The following VOPP1 variants were observed in gnomAD, a reference collection of about 807,000 sequenced individuals.
The protein encoded by VOPP1 is WW domain binding protein VOPP1.
VOPP1 carries 8 observed loss-of-function variants against 23.5 expected under a neutral mutation model. That is an observed-to-expected ratio of 0.34 (90% CI 0.20 to 0.61). The LOEUF is 0.61. Ranked by LOEUF, VOPP1 falls within the 20% of genes least tolerant of loss-of-function variation. The probability of loss-of-function intolerance (pLI) is 0.78; values close to 1 mark genes in which losing one functional copy is unlikely to be tolerated. For synonymous variants in VOPP1, 83 were observed against 97.3 expected, an observed-to-expected ratio of 0.85 and a Z score of 0.86; for missense variants, 174 against 238.1, an observed-to-expected ratio of 0.73 and a Z score of 1.77.
chr7:55,505,073 TC>T (rs1236325363), intron 2 of VOPP1, among the ~76,000 whole-genome samples: 1 of 152,210 alleles, frequency 6.6e-6, no homozygotes, highest in Non-Finnish European at 1.5e-5. Context: ...AGCCTTTGGA[TC>T]CTCATTCTGT....
At chr7:55,506,101 C>A (rs540174754) in intron 2 of VOPP1, among the ~76,000 whole-genome samples, 1 of 152,300 alleles carries the variant, frequency 6.6e-6, no homozygotes, top group Admixed American at 6.5e-5. Flanking sequence ...ACTGTCCTGA[C>A]AAGCCCACCT....
In VOPP1 at chr7:55,548,957, AG is replaced by A. The variant is rs1306175849; in HGVS notation, c.54+23313del. On this transcript the variant is annotated intron_variant, in intron 1 of 4. Transcript: ENST00000285279. ...CATCATTTATATCTAGGAAGAGCCC[AG>A]GGTGACCACAGTGAGACTGGCCATC... Among the ~76,000 whole-genome samples, 43 of 152,324 alleles carry A rather than the reference AG, an allele frequency of 2.8e-4. No individual in the cohort carries two copies. The East Asian group carries it at 6.4e-3, about 23-fold the overall frequency.
intron 2 of VOPP1, among the ~76,000 whole-genome samples, chr7:55,507,822 T>G (rs540683629): frequency 6.6e-6 from 1 of 152,312 alleles, no homozygotes; most frequent in African/African-American, 2.4e-5. Flanking sequence ...AACTTTTATT[T>G]GGTCAACACA....
chr7:55,443,470 C>CGTGG, intron 4 of VOPP1, among the ~76,000 whole-genome samples: 1 of 152,100 alleles, frequency 6.6e-6, no homozygotes, highest in African/African-American at 2.4e-5. Context: ...AGGAGAATGG[C>CGTGG]ATGAACGCAG....
Position 55,561,817 on chromosome 7 carries a change from G to T in VOPP1, c.54+10454C>A. 9.7e-6 allele frequency: 6 copies of T among 618,934 alleles called. No homozygotes were observed. The South Asian group carries it at 1.1e-4, about 11-fold the overall frequency. 38.3% of individuals were successfully genotyped at this position (618,934 alleles called of 1,614,324 possible). Reference sequence around the variant, plus strand: ...AGAGCACGTGGGAGTAGCTTGCCTAGGGAGTAGCTTGCCCAAGTCGGGGAC... The same window carrying T: ...AGAGCACGTGGGAGTAGCTTGCCTATGGAGTAGCTTGCCCAAGTCGGGGAC... On this transcript the variant is annotated intron_variant, in intron 1 of 4. Coordinates refer to ENST00000285279, the MANE Select transcript of VOPP1 (RefSeq NM_030796.5).
chr7:55,523,389 T>C (rs1258419520), intron 1 of VOPP1, among the ~76,000 whole-genome samples: 1 of 151,436 alleles, frequency 6.6e-6, no homozygotes, highest in African/African-American at 2.4e-5. Flanking sequence ...CATTTTTTTT[T>C]CCAAAAAAAA....
At chr7:55,516,310 A>G (rs1562946676) in intron 2 of VOPP1, among the ~76,000 whole-genome samples, 1 of 152,264 alleles carries the variant, frequency 6.6e-6, no homozygotes, top group Non-Finnish European at 1.5e-5. Context: ...TTCTTCAAAA[A>G]TAAGAATATC....
intron 1 of VOPP1, chr7:55,537,398 G>A: frequency 6.8e-7 from 1 of 1,468,236 alleles, no homozygotes; most frequent in South Asian, 1.2e-5. Flanking sequence ...CCAGCCTTCT[G>A]GAGGTAACAC....
At chr7:55,497,422 C>CT (rs1406482491) in intron 3 of VOPP1, among the ~76,000 whole-genome samples, 191 bp downstream of exon 3, 1 of 152,206 alleles carries the variant, frequency 6.6e-6, no homozygotes, top group African/African-American at 2.4e-5. Flanking sequence ...CAAAAACAGG[C>CT]TTCCCACAAA....
chr7:55,474,230 G>A (rs191384061), intron 4 of VOPP1, among the ~76,000 whole-genome samples: 39 of 152,330 alleles, frequency 2.6e-4, no homozygotes, highest in African/African-American at 8.7e-4. Context: ...TGCCACCTGC[G>A]CTGCTCTGAT....
chr7:55,444,084 C>T (rs1484802540), intron 4 of VOPP1, among the ~76,000 whole-genome samples: 1 of 152,116 alleles, frequency 6.6e-6, no homozygotes, highest in African/African-American at 2.4e-5. Context: ...TTATCTATTG[C>T]TGTGTGATAA....
rs867593920 is a variant in VOPP1, at chr7:55,482,231, A to G, written c.329-9186T>C. On this transcript the variant is annotated intron_variant, in intron 4 of 4. Transcript: ENST00000285279. ...GGAAGGGAATTGGACTGCAGACTGT[A>G]TATTTCTTCTTCCACTGTATAACGC... Among the ~76,000 whole-genome samples, 49 of 152,184 alleles carry G rather than the reference A, an allele frequency of 3.2e-4. 1 individual carries two copies. The highest frequency in any genetic ancestry group is 6.8e-3 in the Middle Eastern group (2 of 294).
intron 1 of VOPP1, among the ~76,000 whole-genome samples, chr7:55,535,460 C>G (rs1261264731): frequency 6.6e-6 from 1 of 152,220 alleles, no homozygotes; most frequent in East Asian, 1.9e-4. Flanking sequence ...GAGTGTCCTT[C>G]TGGCCTGGCC....
chr7:55,514,783 T>C (rs895172435), intron 2 of VOPP1, among the ~76,000 whole-genome samples: 3 of 152,256 alleles, frequency 2.0e-5, no homozygotes, highest in South Asian at 2.1e-4. Flanking sequence ...TGTCAGCCAT[T>C]GCATTCCCAG....
At chr7:55,537,268 A>C (rs1035881370) in intron 1 of VOPP1, among the ~76,000 whole-genome samples, 1 of 152,144 alleles carries the variant, frequency 6.6e-6, no homozygotes, top group African/African-American at 2.4e-5. Context: ...GTGCAGCAAC[A>C]TCTGGGAAGC....
intron 1 of VOPP1, among the ~76,000 whole-genome samples, chr7:55,539,899 G>GCACGCA (rs1554299257): frequency 7.2e-6 from 1 of 139,250 alleles, no homozygotes; most frequent in Non-Finnish European, 1.6e-5. Context: ...CATAAGCGCT[G>GCACGCA]CACACACACA....
chr7:55,496,875 A>T (rs1315920565), intron 3 of VOPP1, among the ~76,000 whole-genome samples: 1 of 152,280 alleles, frequency 6.6e-6, no homozygotes, highest in Non-Finnish European at 1.5e-5. Flanking sequence ...ACTGAAGGGC[A>T]TCACCACTGC....
At chr7:55,527,717 TTTATCAATAA>T (rs1394181279) in intron 1 of VOPP1, among the ~76,000 whole-genome samples, 1 of 152,204 alleles carries the variant, frequency 6.6e-6, no homozygotes, top group African/African-American at 2.4e-5. Flanking sequence ...GGCTGATATC[TTTATCAATAA>T]AGACTTACAT....
intron 4 of VOPP1, among the ~76,000 whole-genome samples, chr7:55,461,974 C>T (rs1791511604): frequency 6.6e-6 from 1 of 152,168 alleles, no homozygotes; most frequent in Admixed American, 6.5e-5. Context: ...AAATATCAGC[C>T]TTTTGCTTTC....
Sources: gnomAD v4.1 joint callset for allele counts (sites outside exome capture counted in the v4.1 genomes callset) on GRCh38, gnomAD v4.1.1 for gene constraint, MANE v1.5 for transcripts, NCBI Gene and HGNC (gene_info 2026-07-23, HGNC 2026-07-21) for gene names.